PDGFRL: variants seen among roughly 807,000 people sequenced by gnomAD.
PDGFRL encodes the protein platelet-derived growth factor receptor-like protein.
A neutral mutation model predicts 37.2 loss-of-function variants in PDGFRL; 46 were observed. That is an observed-to-expected ratio of 1.24 (90% CI 0.98 to 1.58). The LOEUF (loss-of-function observed/expected upper bound fraction) is 1.58. Ranked by LOEUF, PDGFRL falls within the 40% of genes most tolerant of loss-of-function variation. The pLI is 0.00. For missense variants in PDGFRL, 692 were observed against 467.6 expected, an observed-to-expected ratio of 1.48 and a Z score of -4.43; for synonymous variants, 251 against 184.3, an observed-to-expected ratio of 1.36 and a Z score of -2.93.
chr8:17,613,476 G>A (rs1011376346), intron 2 of PDGFRL, among the ~76,000 whole-genome samples: 7 of 152,284 alleles, frequency 4.6e-5, no homozygotes, highest in African/African-American at 1.7e-4. Flanking sequence ...GCAGTGCCAA[G>A]AATAGGACCT....
chr8:17,577,111 C>T, upstream of PDGFRL: 1 of 1,107,274 alleles, frequency 9.0e-7, no homozygotes, highest in Non-Finnish European at 1.2e-6. Context: ...CCAACTTTTT[C>T]CCCCAAACCT....
At chr8:17,595,155 C>A (rs1481709568) in intron 2 of PDGFRL, among the ~76,000 whole-genome samples, 1 of 152,120 alleles carries the variant, frequency 6.6e-6, no homozygotes, top group African/African-American at 2.4e-5. Context: ...CCCCACATGC[C>A]CAGAGCAAGG....
At chr8:17,596,791 A>T (rs2246488) in intron 2 of PDGFRL, among the ~76,000 whole-genome samples, 2 of 152,216 alleles carry the variant, frequency 1.3e-5, no homozygotes, top group East Asian at 3.9e-4. Context: ...AGTCATAGCT[A>T]TATCAACCAC....
rs759884136 is a variant in PDGFRL at position 17,589,744 on chromosome 8, C to G, written c.332C>G (p.Thr111Ser). The G allele has an allele frequency of 1.9e-6, 3 of 1,605,030 alleles. No homozygotes were observed. In the African/African-American group the frequency reaches 4.0e-5, roughly 22 times the overall value. The change falls in exon 2 of 6, where the codon ACC becomes AGC. Residue 111 changes from threonine (T) to serine (S), a missense_variant. Physicochemically the swap from Thr to Ser is moderately conservative, Grantham distance 58. Coordinates refer to ENST00000251630, the MANE Select transcript of PDGFRL (RefSeq NM_001372073.1). ...IGWSYPAYLD[T>S]FKDSRLSVKQ... ...TGGAGCTACCCTGCGTATCTGGACA[C>G]CTTTAAGGATTCTCGCCTCAGGTAA...
At chr8:17,597,910 A>AT (rs1316140559) in intron 2 of PDGFRL, among the ~76,000 whole-genome samples, 2 of 152,174 alleles carry the variant, frequency 1.3e-5, no homozygotes, top group Admixed American at 1.3e-4. Flanking sequence ...TTTCATATGG[A>AT]TTTTTATGTA....
At chr8:17,626,153 C>T (rs1357893648) in intron 3 of PDGFRL, among the ~76,000 whole-genome samples, 1 of 152,186 alleles carries the variant, frequency 6.6e-6, no homozygotes, top group African/African-American at 2.4e-5. Context: ...AGTGTTGTTG[C>T]TAAGAAAACA....
At chr8:17,589,335 G>C in intron 1 of PDGFRL, 133 bp from the exon 2 acceptor site, 1 of 697,580 alleles carries the variant, frequency 1.4e-6, no homozygotes, top group Non-Finnish European at 2.5e-6. Context: ...GCAGTGAGCT[G>C]AGATTATGCC....
upstream of PDGFRL, chr8:17,576,713 T>C (rs1585291211): frequency 3.0e-6 from 3 of 985,426 alleles, no homozygotes; most frequent in African/African-American, 3.5e-5. Context: ...AGACCAACTC[T>C]GGCCAGACAC....
At position 17,620,090 on chromosome 8, in the gene PDGFRL, G is replaced by A. The variant is rs569464910; in HGVS notation, c.354-961G>A. Among the ~76,000 whole-genome samples, 17 of 152,236 alleles carry A rather than the reference G, an allele frequency of 1.1e-4. No homozygotes were observed. The East Asian group carries it at 3.3e-3, about 29-fold the overall frequency. ...CCATCTTCCTGCCTTAGCCTACCAAGTAGCTAGGACTACAGGAGTCAGCCA... is the reference window on the plus strand; with the variant it reads ...CCATCTTCCTGCCTTAGCCTACCAAATAGCTAGGACTACAGGAGTCAGCCA... On this transcript the variant is annotated intron_variant, in intron 2 of 5. Transcript: ENST00000251630.
At chr8:17,587,663 G>A (rs1032565656) in intron 1 of PDGFRL, among the ~76,000 whole-genome samples, 2 of 152,116 alleles carry the variant, frequency 1.3e-5, no homozygotes, top group Non-Finnish European at 2.9e-5. Flanking sequence ...CTCAGTCTCA[G>A]TCTCCAGGCA....
intron 2 of PDGFRL, among the ~76,000 whole-genome samples, chr8:17,612,585 G>T (rs1027951032): frequency 6.6e-6 from 1 of 152,118 alleles, no homozygotes; most frequent in African/African-American, 2.4e-5. Flanking sequence ...TGGCCAGGCT[G>T]GTCTCAAACT....
intron 2 of PDGFRL, among the ~76,000 whole-genome samples, chr8:17,619,687 G>A (rs1334732882): frequency 2.6e-5 from 4 of 152,152 alleles, no homozygotes; most frequent in Admixed American, 1.3e-4. Context: ...ATTGATGAAA[G>A]GGATTTTGGA....
chr8:17,589,882 A>T, intron 2 of PDGFRL, 117 bp downstream of exon 2: 1 of 652,760 alleles, frequency 1.5e-6, no homozygotes, highest in Non-Finnish European at 2.6e-6. Flanking sequence ...CTAATAGATC[A>T]TAAAAATAGA....
chr8:17,610,809 G>C (rs1332767556), intron 2 of PDGFRL, among the ~76,000 whole-genome samples: 1 of 152,162 alleles, frequency 6.6e-6, no homozygotes, highest in African/African-American at 2.4e-5. Context: ...TACTCAGGAG[G>C]CTGAGGCGGG....
At chr8:17,581,246 A>G (rs1324738253) in intron 1 of PDGFRL, among the ~76,000 whole-genome samples, 9 of 152,110 alleles carry the variant, frequency 5.9e-5, no homozygotes, top group African/African-American at 1.9e-4. Context: ...GAGGTAGCTG[A>G]CAGCAAAGCT....
In PDGFRL at chr8:17,634,059, C is replaced by T. The variant is rs200628814; in HGVS notation, c.800-15C>T. ...ACTCGGGGTCTCACTCTGCCTGTTT[C>T]GTGCTTGCTTCCAGTTCCCAGTGGC... On this transcript the variant is annotated splice_polypyrimidine_tract_variant and intron_variant, in intron 4 of 5. Transcript: ENST00000251630. 3.7e-5 allele frequency: 59 copies of T among 1,613,574 alleles called. No individual in the cohort carries two copies. The Admixed American group carries it at 6.2e-4, about 17-fold the overall frequency.
intron 2 of PDGFRL, among the ~76,000 whole-genome samples, chr8:17,591,731 A>G (rs576551445): frequency 2.6e-5 from 4 of 152,254 alleles, no homozygotes; most frequent in African/African-American, 9.6e-5. Flanking sequence ...ATCCTAGCCA[A>G]CATTGTGAAA....
chr8:17,577,266 T>G lies in PDGFRL; in HGVS notation c.14T>G (p.Leu5Arg). Reference protein sequence around the residue: MKVWLLLGLLLVHEA... With the variant: MKVWRLLGLLLVHEA... The stretch of plus-strand genomic sequence containing the variant: ...GAGGTTCCCGAGATGAAGGTCTGGC[T>G]GCTGCTTGGTCTTCTGCTGGTGCAC... Residue 5 changes from leucine (L) to arginine (R), a missense_variant, in exon 1 of 6, where the codon CTG becomes CGG. Leu to Arg is a moderately radical substitution (Grantham distance 102). Transcript: ENST00000251630. 2 of 1,613,020 alleles carry G rather than the reference T, an allele frequency of 1.2e-6. No homozygotes were observed. Among genetic ancestry groups the G allele is most frequent in the Non-Finnish European group, 1.7e-6 (2 of 1,179,652 alleles).
chr8:17,599,966 T>C (rs1804133156), intron 2 of PDGFRL, among the ~76,000 whole-genome samples: 2 of 152,170 alleles, frequency 1.3e-5, no homozygotes, highest in African/African-American at 4.8e-5. Context: ...AACATCTCCT[T>C]GAAAAGGATT....
Sources: allele counts gnomAD v4.1 joint callset (sites outside exome capture counted in the v4.1 genomes callset), GRCh38; gene constraint gnomAD v4.1.1; transcripts MANE v1.5; gene names NCBI Gene and HGNC (gene_info 2026-07-23, HGNC 2026-07-21).